The following RBM46 variants were observed in gnomAD, a reference collection of about 807,000 sequenced individuals.
The protein encoded by RBM46 is probable RNA-binding protein 46.
In RBM46, 12 loss-of-function variants were observed where a neutral mutation model predicts 43.3. The observed-to-expected ratio is 0.28, with a 90% CI of 0.18 to 0.45. RBM46 has a LOEUF of 0.45. Among genes scored for constraint, RBM46 ranks in the 20% least tolerant of loss-of-function variants. The pLI is 1.00. For missense variants in RBM46, 412 were observed against 639.1 expected (o/e 0.64, Z 3.83); for synonymous variants, 205 against 207.6 (o/e 0.99, Z 0.11).
chr4:154,815,726 C>G (rs974693518), intron 4 of RBM46, among the ~76,000 whole-genome samples: 1 of 151,862 alleles, frequency 6.6e-6, no homozygotes, highest in African/African-American at 2.4e-5. Context: ...TTGTTCTACT[C>G]TATGACTTAC....
intron 4 of RBM46, among the ~76,000 whole-genome samples, chr4:154,799,935 C>A (rs1264891570): frequency 2.6e-5 from 4 of 151,670 alleles, no homozygotes; most frequent in Non-Finnish European, 4.4e-5. Flanking sequence ...AATTTTTTGG[C>A]TAATTTTTTG....
At chr4:154,799,920 AGGCTAATTTTTT>A (rs1398299337) in intron 4 of RBM46, among the ~76,000 whole-genome samples, 2 of 151,800 alleles carry the variant, frequency 1.3e-5, no homozygotes, top group Non-Finnish European at 1.5e-5. Context: ...CCACCATGCC[AGGCTAATTTTTT>A]GGCTAATTTT....
intron 1 of RBM46, among the ~76,000 whole-genome samples, chr4:154,788,856 C>T (rs1201499820): frequency 6.6e-6 from 1 of 152,146 alleles, no homozygotes; most frequent in Non-Finnish European, 1.5e-5. Flanking sequence ...TCTTTTATTT[C>T]ATTGAGCAGT....
intron 1 of RBM46, among the ~76,000 whole-genome samples, chr4:154,794,177 CT>C (rs58437982): frequency 0.16 from 18,012 of 115,386 alleles, 841 homozygotes; most frequent in East Asian, 0.33. Context: ...GTAGTAATCA[CT>C]TTTTTTTTTT....
In RBM46 at chr4:154,813,824, A is replaced by C. The variant is rs1244379083; in HGVS notation, c.1403-14044A>C. 2.0e-5 allele frequency among the ~76,000 whole-genome samples: 3 copies of C among 152,020 alleles called. No individual in the cohort carries two copies. In the East Asian group the frequency reaches 5.8e-4, roughly 29 times the overall value. ...AGCAGGCTTATTTGGAATACACCGG[A>C]ATCCTGTGCACTCAGTTATTTTCTG... On this transcript the variant is annotated intron_variant, in intron 4 of 4. Coordinates refer to ENST00000281722, the MANE Select transcript of RBM46 (RefSeq NM_144979.5).
At chr4:154,803,873 T>C (rs1038301831) in intron 4 of RBM46, among the ~76,000 whole-genome samples, 1 of 151,742 alleles carries the variant, frequency 6.6e-6, no homozygotes, top group South Asian at 2.1e-4. Flanking sequence ...AGTGTTGGAG[T>C]TGGGGTCTGG....
At chr4:154,794,765 G>A (rs1205222963) in intron 1 of RBM46, among the ~76,000 whole-genome samples, 1 of 152,092 alleles carries the variant, frequency 6.6e-6, no homozygotes, top group East Asian at 1.9e-4. Flanking sequence ...TACCTTTTTG[G>A]TGAAGTCTGC....
chr4:154,789,417 A>C (rs1316989860), intron 1 of RBM46, among the ~76,000 whole-genome samples: 3 of 152,196 alleles, frequency 2.0e-5, no homozygotes, highest in African/African-American at 7.2e-5. Context: ...CCTTTTCTGC[A>C]TCTTTTGAGA....
intron 1 of RBM46, among the ~76,000 whole-genome samples, chr4:154,784,238 A>G (rs1018747765): frequency 9.8e-5 from 15 of 152,336 alleles, no homozygotes; most frequent in African/African-American, 3.6e-4. Context: ...CTAAATTTTT[A>G]CAGTAACTTG....
chr4:154,802,288 G>T (rs890655283), intron 4 of RBM46, among the ~76,000 whole-genome samples: 4 of 152,130 alleles, frequency 2.6e-5, no homozygotes, highest in African/African-American at 9.7e-5. Context: ...CAGAGATCAG[G>T]GGTCTAGGAA....
At chr4:154,826,929 G>A (rs1382104600) in intron 4 of RBM46, 2 of 1,314,430 alleles carry the variant, frequency 1.5e-6, no homozygotes, top group Non-Finnish European at 1.9e-6. Flanking sequence ...CTGTACATTA[G>A]ATGACCTAAT....
chr4:154,786,155 C>G (rs1733753664), intron 1 of RBM46, among the ~76,000 whole-genome samples: 1 of 152,176 alleles, frequency 6.6e-6, no homozygotes, highest in African/African-American at 2.4e-5. Context: ...GGCACGATCT[C>G]AGCTCACTGC....
At chr4:154,816,797 G>A (rs565270165) in intron 4 of RBM46, among the ~76,000 whole-genome samples, 2 of 152,040 alleles carry the variant, frequency 1.3e-5, no homozygotes, top group South Asian at 4.1e-4. Context: ...AAGATATGAT[G>A]TGTGTTATAG....
At position 154,794,983 on chromosome 4, in the gene RBM46, G is replaced by C. The variant is rs1160594271; in HGVS notation, c.-11-1759G>C. Among the ~76,000 whole-genome samples, 7 of 151,864 alleles carry C rather than the reference G, an allele frequency of 4.6e-5. No homozygotes were observed. The East Asian group carries it at 1.2e-3, about 25-fold the overall frequency. On this transcript the variant is annotated intron_variant, in intron 1 of 4. Transcript: ENST00000281722. ...CCTTTTATTTACTAATAATATCCCAGATGTAAGGAATAGTGCATAGAATAT... is the reference window on the plus strand; with the variant it reads ...CCTTTTATTTACTAATAATATCCCACATGTAAGGAATAGTGCATAGAATAT...
chr4:154,799,560 T>C lies in RBM46; in HGVS notation c.1398T>C (p.His466=), dbSNP rs2111138010. 6.6e-7 allele frequency: 1 copy of C among 1,524,582 alleles called. No homozygotes were observed. 94.4% of individuals were successfully genotyped at this position (1,524,582 alleles called of 1,614,324 possible). ...TGGCAGCCCAGTTTACATTACTTCATTTGGGTAAGTTTAAAAATACTTTAA... is the reference window on the plus strand; with the variant it reads ...TGGCAGCCCAGTTTACATTACTTCACTTGGGTAAGTTTAAAAATACTTTAA... ...KELAAQFTLL[H]LDYNFHRSSI... The change falls in exon 4 of 5, where the codon CAT becomes CAC. Residue 466 remains histidine (H), a synonymous_variant. Coordinates refer to ENST00000281722, the MANE Select transcript of RBM46 (RefSeq NM_144979.5).
chr4:154,820,511 G>A, intron 4 of RBM46: 1 of 662,528 alleles, frequency 1.5e-6, no homozygotes, highest in Non-Finnish European at 2.4e-6. Context: ...TCTTTATAAT[G>A]AAAAGAATGA....
chr4:154,785,815 C>T (rs1733732168), intron 1 of RBM46, among the ~76,000 whole-genome samples: 1 of 152,016 alleles, frequency 6.6e-6, no homozygotes, highest in African/African-American at 2.4e-5. Flanking sequence ...TTGGTCTTTT[C>T]GATTACTAAT....
intron 4 of RBM46, chr4:154,826,718 T>G: frequency 8.8e-7 from 1 of 1,141,438 alleles, no homozygotes; most frequent in Non-Finnish European, 1.2e-6. Context: ...TAAACCTATA[T>G]TTAACTGATT....
Position 154,798,772 on chromosome 4 carries a change from T to G in RBM46, c.620-10T>G. The G allele has an allele frequency of 7.0e-7, 1 of 1,435,498 alleles. No homozygotes were observed. Among genetic ancestry groups the G allele is most frequent in the Non-Finnish European group, 9.1e-7 (1 of 1,094,482 alleles). 88.9% of individuals were successfully genotyped at this position (1,435,498 alleles called of 1,614,324 possible). A position where few individuals can be genotyped will look rare whatever the true frequency, so the allele number is the denominator to read the frequency against. ...TTAATTCTCTTCAAATTATTATTTT[T>G]TTTTTACAGGAACATTCCAACTATG... On this transcript the variant is annotated splice_polypyrimidine_tract_variant and intron_variant, in intron 3 of 4. Coordinates refer to ENST00000281722, the MANE Select transcript of RBM46 (RefSeq NM_144979.5).
Sources: gnomAD v4.1 joint callset for allele counts (sites outside exome capture counted in the v4.1 genomes callset) on GRCh38, gnomAD v4.1.1 for gene constraint, MANE v1.5 for transcripts, NCBI Gene and HGNC (gene_info 2026-07-23, HGNC 2026-07-21) for gene names.